Variants in EIF4E1B observed in about 807,000 individuals in gnomAD.
EIF4E1B encodes the protein eukaryotic translation initiation factor 4E family member 1B, also known as eukaryotic translation initiation factor 4E type 1B.
EIF4E1B carries 22 observed loss-of-function variants against 31.3 expected under a neutral mutation model. The observed-to-expected ratio is 0.70, with a 90% CI of 0.50 to 1.00. The LOEUF (loss-of-function observed/expected upper bound fraction) is 1.00, where lower values mean the gene tolerates loss of function less well. Ranked by LOEUF, EIF4E1B falls within the 50% of genes least tolerant of loss-of-function variation. The probability of loss-of-function intolerance (pLI) is 0.00; values close to 1 mark genes in which losing one functional copy is unlikely to be tolerated. For synonymous variants in EIF4E1B, 126 were observed against 120.2 expected, an observed-to-expected ratio of 1.05 and a Z score of -0.31; for missense variants, 290 against 311.6, an observed-to-expected ratio of 0.93 and a Z score of 0.52.
chr5:176,642,852 C>CCCCCCCG (rs1561910296), intron 3 of EIF4E1B, 50 bp downstream of exon 3: 1 of 949,376 alleles, frequency 1.1e-6, no homozygotes, highest in South Asian at 2.5e-5. Context: ...CCCGCCCTCT[C>CCCCCCCG]CCCCCCCCCC....
At position 176,638,525 on chromosome 5, in the gene EIF4E1B, T is replaced by C. The variant is rs986894878; in HGVS notation, c.-201-3518T>C. Among the ~76,000 whole-genome samples the C allele has an allele frequency of 6.6e-6, 1 of 152,056 alleles. No homozygotes were observed. Among genetic ancestry groups the C allele is most frequent in the Non-Finnish European group, 1.5e-5 (1 of 67,992 alleles). ...GGGCATGGGGGAGAGTGTTCTTCTGTAGATAGGGTAGCAGTCAGGGAAGGC... is the reference window on the plus strand; with the variant it reads ...GGGCATGGGGGAGAGTGTTCTTCTGCAGATAGGGTAGCAGTCAGGGAAGGC... On this transcript the variant is annotated intron_variant, in intron 1 of 8. Coordinates refer to ENST00000318682, the MANE Select transcript of EIF4E1B (RefSeq NM_001099408.2). This position sits in a 1 kb window ranked among gnomAD's most constrained non-coding sequence, Gnocchi z 4.3.
chr5:176,635,120 C>A (rs934091388), intron 1 of EIF4E1B, among the ~76,000 whole-genome samples: 6 of 151,998 alleles, frequency 3.9e-5, no homozygotes, highest in African/African-American at 1.4e-4. Context: ...AGAGAGTGCC[C>A]GGAACAGACT....
chr5:176,646,218 A>G lies in EIF4E1B; in HGVS notation c.*238A>G. 1 of 460,418 alleles carries G rather than the reference A, an allele frequency of 2.2e-6. No individual in the cohort carries two copies. The highest frequency in any genetic ancestry group is 4.0e-6 in the Non-Finnish European group (1 of 252,600). The allele number at this position is 460,418 out of a possible 1,614,324, so 28.5% of individuals were successfully genotyped here. On this transcript the variant is annotated 3_prime_UTR_variant, in exon 9 of 9. Coordinates refer to ENST00000318682, the MANE Select transcript of EIF4E1B (RefSeq NM_001099408.2). ...GGCCACAGGACAGCAGCAGGGTGGA[A>G]AAAACTCCTGAGGGTGGGGTGAGTC...
rs1760530254 is a variant in EIF4E1B, at chr5:176,638,509, G to A, written c.-201-3534G>A. Among the ~76,000 whole-genome samples the A allele has an allele frequency of 1.3e-5, 2 of 152,214 alleles. No individual in the cohort carries two copies. The highest frequency in any genetic ancestry group is 2.4e-5 in the African/African-American group (1 of 41,438). On this transcript the variant is annotated intron_variant, in intron 1 of 8. Coordinates refer to ENST00000318682, the MANE Select transcript of EIF4E1B (RefSeq NM_001099408.2). This position sits in a 1 kb window ranked among gnomAD's most constrained non-coding sequence, Gnocchi z 4.3. ...AGAGTGATGAGTTAGAGGGCATGGG[G>A]GAGAGTGTTCTTCTGTAGATAGGGT...
intron 1 of EIF4E1B, among the ~76,000 whole-genome samples, chr5:176,632,972 G>A (rs976354135): frequency 6.6e-6 from 1 of 152,180 alleles, no homozygotes; most frequent in Admixed American, 6.5e-5. Context: ...GGGGAGGGGT[G>A]TGTTCTGGTG....
chr5:176,632,531 T>C (rs1320087204), intron 1 of EIF4E1B, among the ~76,000 whole-genome samples: 10 of 152,176 alleles, frequency 6.6e-5, no homozygotes, highest in Non-Finnish European at 1.2e-4. Context: ...GCTGGGATTA[T>C]AGGCATGAGC....
chr5:176,645,870 G>C lies in EIF4E1B; in HGVS notation c.619G>C (p.Val207Leu). The change falls in exon 9 of 9, where the codon GTA becomes CTA. Residue 207 changes from valine to leucine, a missense_variant. By Grantham distance (32) the Val-to-Leu change is conservative (BLOSUM62 1). Coordinates refer to ENST00000318682, the MANE Select transcript of EIF4E1B (RefSeq NM_001099408.2). This position sits in a 1 kb window ranked among gnomAD's most constrained non-coding sequence, Gnocchi z 5.4. ...CTGTGTCCCCCGCACCTGCAGGCGT[G>C]TATACAAAGAGCGCCTGGGCCTCTC... ...NQAGVLHVGR[V>L]YKERLGLSPK... 7 of 1,589,866 alleles carry C rather than the reference G, an allele frequency of 4.4e-6. No homozygotes were observed. The South Asian group carries it at 8.0e-5, about 18-fold the overall frequency.
rs561744970 is a variant in EIF4E1B at position 176,638,299 on chromosome 5, C to T, written c.-201-3744C>T. 6.6e-5 allele frequency among the ~76,000 whole-genome samples: 10 copies of T among 152,310 alleles called. No homozygotes were observed. The highest frequency in any genetic ancestry group is 2.2e-4 in the African/African-American group (9 of 41,566). On this transcript the variant is annotated intron_variant, in intron 1 of 8. Transcript: ENST00000318682. The surrounding 1 kb of genome is among the most constrained non-coding windows in gnomAD (Gnocchi z 4.3). The stretch of plus-strand genomic sequence containing the variant: ...CATGAAACAGCAAGTACTGACAGAA[C>T]AGACAAGAGGTCCCAGGGCTTAGTC...
intron 1 of EIF4E1B, among the ~76,000 whole-genome samples, chr5:176,634,911 G>A (rs1314162799): frequency 4.6e-5 from 7 of 151,862 alleles, no homozygotes; most frequent in African/African-American, 1.7e-4. Flanking sequence ...CTCATGATCC[G>A]CCCACCTCAG....
chr5:176,644,534 G>A, intron 6 of EIF4E1B, 95 bp downstream of exon 6: 1 of 1,243,190 alleles, frequency 8.0e-7, no homozygotes. Flanking sequence ...GGTGGGGGTG[G>A]GGAGCTACGG....
In EIF4E1B at chr5:176,641,257, C is replaced by T. The variant is rs141955229; in HGVS notation, c.-201-786C>T. ...GGTGGGGGAATCACCTGAGCTGAGA[C>T]GTCAAGACGGCAGTGAGCCAAGATG... On this transcript the variant is annotated intron_variant, in intron 1 of 8. Coordinates refer to ENST00000318682, the MANE Select transcript of EIF4E1B (RefSeq NM_001099408.2). Among the ~76,000 whole-genome samples the T allele has an allele frequency of 8.8e-4, 134 of 152,192 alleles. No individual in the cohort carries two copies. The East Asian group carries it at 0.015, about 17-fold the overall frequency.
rs545163776 is a variant in EIF4E1B at position 176,644,626 on chromosome 5, G to A, written c.360+187G>A. 29 of 614,560 alleles carry A rather than the reference G, an allele frequency of 4.7e-5. 1 individual carries two copies. The highest frequency in any genetic ancestry group is 3.4e-4 in the Middle Eastern group (1 of 2,936). The allele number at this position is 614,560 out of a possible 1,614,324, so 38.1% of individuals were successfully genotyped here. ...GGACAGAGTAGGTCAGGCCCAAGCC[G>A]CACCTTGGAGGACCTTAAGAGGCGG... On this transcript the variant is annotated intron_variant, in intron 6 of 8. Transcript: ENST00000318682.
chr5:176,644,338 G>A (rs1180322354), intron 5 of EIF4E1B, 38 bp from the exon 6 acceptor site: 2 of 1,562,154 alleles, frequency 1.3e-6, no homozygotes, highest in Non-Finnish European at 1.7e-6. Flanking sequence ...GCCCTAAAAA[G>A]CCTTGACTTT....
intron 1 of EIF4E1B, chr5:176,641,675 G>T (rs947553415): frequency 6.6e-6 from 1 of 152,412 alleles, no homozygotes; most frequent in Admixed American, 6.5e-5. Context: ...AGGGCTTAAG[G>T]CTGTGGGTTG....
At chr5:176,631,666 G>GA (rs1760390268) in intron 1 of EIF4E1B, among the ~76,000 whole-genome samples, 1 of 150,546 alleles carries the variant, frequency 6.6e-6, no homozygotes, top group African/African-American at 2.4e-5. Flanking sequence ...AAAAAAAAAG[G>GA]AAAAAACCCA....
rs1173735042 is a variant in EIF4E1B at position 176,638,678 on chromosome 5, T to A, written c.-201-3365T>A. Among the ~76,000 whole-genome samples the A allele has an allele frequency of 3.9e-5, 6 of 152,232 alleles. No homozygotes were observed. The highest frequency in any genetic ancestry group is 8.8e-5 in the Non-Finnish European group (6 of 68,034). On this transcript the variant is annotated intron_variant, in intron 1 of 8. Transcript: ENST00000318682. This position sits in a 1 kb window ranked among gnomAD's most constrained non-coding sequence, Gnocchi z 4.3. ...CAAATCTAGCCTTTTGGAGGCTCCATGTGCTCAGGGCATGGGAGGCTGGAT... is the reference window on the plus strand; with the variant it reads ...CAAATCTAGCCTTTTGGAGGCTCCAAGTGCTCAGGGCATGGGAGGCTGGAT...
At position 176,645,458 on chromosome 5, in the gene EIF4E1B, G is replaced by A. The variant is rs755120311; in HGVS notation, c.556G>A (p.Asp186Asn). The A allele has an allele frequency of 2.6e-6, 4 of 1,517,890 alleles. No individual in the cohort carries two copies. The highest frequency in any genetic ancestry group is 2.3e-5 in the Admixed American group (1 of 43,924). 94.0% of individuals were successfully genotyped at this position (1,517,890 alleles called of 1,614,324 possible). A position where few individuals can be genotyped will look rare whatever the true frequency, so the allele number is the denominator to read the frequency against. Residue 186 changes from aspartate to asparagine, a missense_variant, in exon 8 of 9, where the codon GAC (aspartate) becomes AAC (asparagine). By Grantham distance (23) the Asp-to-Asn change is conservative. Coordinates refer to ENST00000318682, the MANE Select transcript of EIF4E1B (RefSeq NM_001099408.2). This position sits in a 1 kb window ranked among gnomAD's most constrained non-coding sequence, Gnocchi z 5.4. Reference protein sequence around the residue: ...GAVVNIRTKGDKIAVWTREAE... With the variant: ...GAVVNIRTKGNKIAVWTREAE... ...CGTCGTCAACATCCGCACCAAGGGG[G>A]ACAAGATCGCTGTGTGGACGAGGGA...
chr5:176,637,638 A>T (rs1362280911), intron 1 of EIF4E1B, among the ~76,000 whole-genome samples: 1 of 152,062 alleles, frequency 6.6e-6, no homozygotes, highest in Non-Finnish European at 1.5e-5. Flanking sequence ...GAGGTTAGGA[A>T]GTGAGGGGAC....
intron 6 of EIF4E1B, chr5:176,644,694 G>A: frequency 1.9e-6 from 1 of 530,198 alleles, no homozygotes; most frequent in South Asian, 2.7e-5. Context: ...TCCTTAACTA[G>A]GGAAGGGCAT....
Sources: gnomAD v4.1 joint callset for allele counts (sites outside exome capture counted in the v4.1 genomes callset) on GRCh38, gnomAD v4.1.1 for gene constraint, Gnocchi (gnomAD v3.1) non-coding constraint, MANE v1.5 for transcripts, NCBI Gene and HGNC (gene_info 2026-07-23, HGNC 2026-07-21) for gene names.